The following RSRC1 variants were observed in gnomAD, a reference collection of about 807,000 sequenced individuals.
The protein encoded by RSRC1 is arginine and serine rich coiled-coil 1.
Under a neutral mutation model 49.1 loss-of-function variants are expected in RSRC1, and 39 were observed. The observed-to-expected ratio is 0.79, with a 90% CI of 0.61 to 1.04. RSRC1 has a LOEUF of 1.04. Among genes scored for constraint, RSRC1 ranks in the 50% least tolerant of loss-of-function variants. The pLI is 0.00. For missense variants in RSRC1, 388 were observed against 402.4 expected, an observed-to-expected ratio of 0.96 and a Z score of 0.31; for synonymous variants, 143 against 130.8, an observed-to-expected ratio of 1.09 and a Z score of -0.63.
chr3:158,470,163 T>C (rs1431382777), intron 7 of RSRC1, among the ~76,000 whole-genome samples: 2 of 152,018 alleles, frequency 1.3e-5, no homozygotes, highest in African/African-American at 2.4e-5. Context: ...GAAGATTTTA[T>C]CCCCAAAAAA....
chr3:158,385,058 C>G (rs371490009), intron 6 of RSRC1, among the ~76,000 whole-genome samples: 1 of 152,058 alleles, frequency 6.6e-6, no homozygotes, highest in Non-Finnish European at 1.5e-5. Flanking sequence ...TTAGTAAATA[C>G]AATGAAATTT....
chr3:158,337,785 C>A (rs1200015931), intron 5 of RSRC1, among the ~76,000 whole-genome samples: 1 of 152,158 alleles, frequency 6.6e-6, no homozygotes, highest in Non-Finnish European at 1.5e-5. Flanking sequence ...AAACAGGTAG[C>A]CTCGATGTAA....
At chr3:158,270,223 C>T (rs1235232373) in intron 4 of RSRC1, among the ~76,000 whole-genome samples, 1 of 152,150 alleles carries the variant, frequency 6.6e-6, no homozygotes, top group Non-Finnish European at 1.5e-5. Context: ...GCCTTTGCTG[C>T]TGTGTTTGCT....
At chr3:158,373,178 T>C (rs1056884219) in intron 6 of RSRC1, among the ~76,000 whole-genome samples, 13 of 151,888 alleles carry the variant, frequency 8.6e-5, no homozygotes, top group African/African-American at 3.1e-4. Context: ...AATGATGTCA[T>C]ATGCAAATAG....
intron 6 of RSRC1, among the ~76,000 whole-genome samples, chr3:158,375,549 G>A (rs971874948): frequency 1.3e-5 from 2 of 151,752 alleles, no homozygotes; most frequent in Non-Finnish European, 2.9e-5. Context: ...TAAAATTCAG[G>A]AAATTCAATT....
At chr3:158,239,512 A>ACAT (rs1723442844) in intron 4 of RSRC1, among the ~76,000 whole-genome samples, 2 of 151,666 alleles carry the variant, frequency 1.3e-5, no homozygotes, top group African/African-American at 4.8e-5. Flanking sequence ...TACACCATGG[A>ACAT]ATACTGTGCA....
chr3:158,519,013 T>G (rs756856328), intron 7 of RSRC1, among the ~76,000 whole-genome samples: 2 of 151,480 alleles, frequency 1.3e-5, no homozygotes, highest in African/African-American at 2.4e-5. Flanking sequence ...ACTTGAAGAC[T>G]TTTTTTTTGT....
chr3:158,512,318 C>A (rs1183098611), intron 7 of RSRC1, among the ~76,000 whole-genome samples: 1 of 142,810 alleles, frequency 7.0e-6, no homozygotes, highest in Non-Finnish European at 1.5e-5. Context: ...GATCCAGTTT[C>A]AGCTTTCTAC....
At chr3:158,263,905 T>G (rs1372704863) in intron 4 of RSRC1, among the ~76,000 whole-genome samples, 1 of 152,190 alleles carries the variant, frequency 6.6e-6, no homozygotes. Context: ...TTTCTTATAT[T>G]AGTAATTTGT....
chr3:158,390,416 C>A (rs1733214279), intron 6 of RSRC1, among the ~76,000 whole-genome samples: 1 of 152,040 alleles, frequency 6.6e-6, no homozygotes, highest in Admixed American at 6.6e-5. Flanking sequence ...GTATCTATGT[C>A]CTGGCAGTTA....
intron 5 of RSRC1, among the ~76,000 whole-genome samples, chr3:158,332,204 G>T (rs1729585940): frequency 6.6e-6 from 1 of 152,046 alleles, no homozygotes; most frequent in African/African-American, 2.4e-5. Context: ...TCAAGTTTCT[G>T]CCAATACTTT....
At chr3:158,186,872 T>C (rs1031745737) in intron 3 of RSRC1, among the ~76,000 whole-genome samples, 1 of 151,916 alleles carries the variant, frequency 6.6e-6, no homozygotes, top group Non-Finnish European at 1.5e-5. Context: ...ATTTGTAAGG[T>C]TGATATGATG....
chr3:158,345,678 TAATC>T (rs1000550603), intron 5 of RSRC1, among the ~76,000 whole-genome samples: 2 of 151,728 alleles, frequency 1.3e-5, no homozygotes, highest in African/African-American at 2.4e-5. Flanking sequence ...CAAGCAATAA[TAATC>T]AAGACAGTGG....
chr3:158,149,926 A>C (rs770356321), intron 3 of RSRC1, among the ~76,000 whole-genome samples: 10 of 152,246 alleles, frequency 6.6e-5, no homozygotes, highest in Non-Finnish European at 1.3e-4. Flanking sequence ...AGTAACTTTT[A>C]GGAAATGTTT....
intron 3 of RSRC1, among the ~76,000 whole-genome samples, chr3:158,186,198 T>C (rs947058873): frequency 1.3e-5 from 2 of 152,050 alleles, no homozygotes; most frequent in African/African-American, 4.8e-5. Context: ...AAAAATGTTA[T>C]GCAGTTGTAG....
chr3:158,183,248 T>C (rs1396284452), intron 3 of RSRC1, among the ~76,000 whole-genome samples: 1 of 152,006 alleles, frequency 6.6e-6, no homozygotes, highest in Non-Finnish European at 1.5e-5. Context: ...AATAAAATGG[T>C]TTTTATTATT....
intron 6 of RSRC1, among the ~76,000 whole-genome samples, chr3:158,420,646 C>T (rs1246139328): frequency 6.6e-6 from 1 of 151,658 alleles, no homozygotes; most frequent in Non-Finnish European, 1.5e-5. Context: ...TGCACGAAAC[C>T]AATATAAATG....
chr3:158,513,500 C>T (rs1217926107), intron 7 of RSRC1, among the ~76,000 whole-genome samples: 1 of 152,130 alleles, frequency 6.6e-6, no homozygotes, highest in Admixed American at 6.5e-5. Flanking sequence ...TTTTGATGTG[C>T]TGCTGGATTC....
intron 7 of RSRC1, among the ~76,000 whole-genome samples, chr3:158,518,140 A>ATG (rs1553820473): frequency 1.8e-4 from 14 of 79,494 alleles, no homozygotes; most frequent in African/African-American, 1.1e-3. Flanking sequence ...ATATATATAT[A>ATG]TATATATATT....
Sources: gnomAD v4.1 joint callset for allele counts (sites outside exome capture counted in the v4.1 genomes callset) on GRCh38, gnomAD v4.1.1 for gene constraint, MANE v1.5 for transcripts, NCBI Gene and HGNC (gene_info 2026-07-23, HGNC 2026-07-21) for gene names.